Variants in RNGTT observed in about 807,000 individuals in gnomAD.
RNGTT encodes the protein mRNA-capping enzyme.
RNGTT carries 33 observed loss-of-function variants against 79.3 expected under a neutral mutation model. The ratio of observed to expected loss-of-function variants is 0.42; its 90% CI spans 0.32 to 0.56. The LOEUF is 0.56. Among genes scored for constraint, RNGTT ranks in the 20% least tolerant of loss-of-function variants. The pLI is 0.17. For missense variants in RNGTT, 497 were observed against 739.1 expected (o/e 0.67, Z 3.80); for synonymous variants, 222 against 235.9 (o/e 0.94, Z 0.54).
chr6:88,916,778 A>G (rs1320650135), intron 4 of RNGTT, among the ~76,000 whole-genome samples: 3 of 152,204 alleles, frequency 2.0e-5, no homozygotes, highest in African/African-American at 7.2e-5. Flanking sequence ...TACTATGTGG[A>G]GGCCAAAGCA....
chr6:88,749,971 T>C (rs1777788654), intron 13 of RNGTT, among the ~76,000 whole-genome samples: 1 of 152,156 alleles, frequency 6.6e-6, no homozygotes, highest in Non-Finnish European at 1.5e-5. Context: ...CTTCAGTCTC[T>C]GCCTCCATAG....
chr6:88,887,111 G>C (rs1437622696), intron 8 of RNGTT, among the ~76,000 whole-genome samples: 4 of 149,752 alleles, frequency 2.7e-5, no homozygotes, highest in South Asian at 4.2e-4. Context: ...TCAGGCCTTG[G>C]TCAGGCTAAT....
At chr6:88,898,510 T>C (rs1420716916) in intron 6 of RNGTT, among the ~76,000 whole-genome samples, 2 of 152,058 alleles carry the variant, frequency 1.3e-5, no homozygotes, top group Non-Finnish European at 2.9e-5. Flanking sequence ...GCTATTATTT[T>C]ATGGATTGAT....
Position 88,891,783 on chromosome 6 carries a change from A to T in RNGTT, c.794+23T>A, listed in dbSNP as rs747127349. On this transcript the variant is annotated intron_variant, in intron 7 of 15. Coordinates refer to ENST00000369485, the MANE Select transcript of RNGTT (RefSeq NM_003800.5). ...TGTAAAATAAGAGCAAATTTTATTT[A>T]AAAATTTAAAAATATTTATTACCCT... 1.9e-5 allele frequency: 27 copies of T among 1,438,704 alleles called. No homozygotes were observed. In the East Asian group the frequency reaches 6.6e-4, roughly 35 times the overall value. The allele number at this position is 1,438,704 out of a possible 1,614,324, so 89.1% of individuals were successfully genotyped here.
At chr6:88,755,479 A>C (rs889693314) in intron 13 of RNGTT, among the ~76,000 whole-genome samples, 2 of 152,162 alleles carry the variant, frequency 1.3e-5, no homozygotes, top group Non-Finnish European at 2.9e-5. Flanking sequence ...GACAAAAAAA[A>C]ACTACTAAGT....
chr6:88,926,452 G>T (rs1351414793), intron 4 of RNGTT, among the ~76,000 whole-genome samples: 1 of 152,118 alleles, frequency 6.6e-6, no homozygotes, highest in African/African-American at 2.4e-5. Context: ...AAGTAATTCT[G>T]CCTAACTTTC....
At chr6:88,696,012 CAG>C (rs1193971602) in intron 13 of RNGTT, among the ~76,000 whole-genome samples, 4 of 152,078 alleles carry the variant, frequency 2.6e-5, no homozygotes, top group Non-Finnish European at 4.4e-5. Context: ...ATGGGGGAAA[CAG>C]GGAGATGTTG....
At chr6:88,842,633 A>C (rs1781332585) in intron 11 of RNGTT, among the ~76,000 whole-genome samples, 1 of 152,200 alleles carries the variant, frequency 6.6e-6, no homozygotes, top group Non-Finnish European at 1.5e-5. Flanking sequence ...GAAGAGTAAA[A>C]ATAGAGCATC....
At chr6:88,651,200 G>A (rs1414129494) in intron 14 of RNGTT, among the ~76,000 whole-genome samples, 4 of 152,038 alleles carry the variant, frequency 2.6e-5, no homozygotes, top group African/African-American at 9.7e-5. Context: ...ACTTAGTCCA[G>A]TCAGTGGACT....
At chr6:88,741,792 A>AAAT (rs1196559136) in intron 13 of RNGTT, among the ~76,000 whole-genome samples, 1 of 152,170 alleles carries the variant, frequency 6.6e-6, no homozygotes, top group African/African-American at 2.4e-5. Context: ...GGTAGGGGGC[A>AAAT]GACTTTTCCT....
chr6:88,851,359 A>C (rs1181101418), intron 9 of RNGTT, among the ~76,000 whole-genome samples: 1 of 152,006 alleles, frequency 6.6e-6, no homozygotes, highest in Non-Finnish European at 1.5e-5. Context: ...TTTCCTTTTA[A>C]CATCAAAATA....
intron 13 of RNGTT, among the ~76,000 whole-genome samples, chr6:88,704,259 C>CAAAA (rs35623392): frequency 3.1e-4 from 15 of 48,720 alleles, no homozygotes; most frequent in South Asian, 1.4e-3. Context: ...GACTCTGTCT[C>CAAAA]AAAAAAAAAA....
At chr6:88,772,481 T>C (rs1392386832) in intron 12 of RNGTT, among the ~76,000 whole-genome samples, 2 of 152,040 alleles carry the variant, frequency 1.3e-5, no homozygotes, top group African/African-American at 4.8e-5. Context: ...TGGGATCTAA[T>C]TAAACTAAAG....
In RNGTT at chr6:88,690,123, A is replaced by G. The variant is rs9359805; in HGVS notation, c.1440-11704T>C. Among the ~76,000 whole-genome samples, 307 of 152,336 alleles carry G rather than the reference A, an allele frequency of 2.0e-3. 8 individuals are homozygous for G. In the East Asian group the frequency reaches 0.05, roughly 25 times the overall value. Reference sequence around the variant, plus strand: ...TATCAAGGTCATGAAAAACAAGAAGAAAGTATTATCACAGATTGGATGAAA... The same window carrying G: ...TATCAAGGTCATGAAAAACAAGAAGGAAGTATTATCACAGATTGGATGAAA... On this transcript the variant is annotated intron_variant, in intron 13 of 15. Coordinates refer to ENST00000369485, the MANE Select transcript of RNGTT (RefSeq NM_003800.5).
chr6:88,654,867 GAAACA>G (rs1773920011), intron 14 of RNGTT, among the ~76,000 whole-genome samples: 1 of 152,090 alleles, frequency 6.6e-6, no homozygotes, highest in South Asian at 2.1e-4. Context: ...AAAAGAAAAA[GAAACA>G]AAACAAAATG....
intron 12 of RNGTT, among the ~76,000 whole-genome samples, chr6:88,779,655 T>G (rs554388094): frequency 9.9e-4 from 150 of 152,258 alleles, no homozygotes; most frequent in African/African-American, 3.4e-3. Flanking sequence ...TTGATATTAT[T>G]AGGAATTTCA....
At chr6:88,685,465 T>A (rs567479551) in intron 13 of RNGTT, among the ~76,000 whole-genome samples, 6 of 151,370 alleles carry the variant, frequency 4.0e-5, no homozygotes, top group East Asian at 3.9e-4. Context: ...TTAATTTTTT[T>A]AAAAAATGCA....
chr6:88,866,837 C>T (rs1474102001), intron 8 of RNGTT, among the ~76,000 whole-genome samples: 3 of 152,134 alleles, frequency 2.0e-5, no homozygotes, highest in Non-Finnish European at 4.4e-5. Flanking sequence ...TAAGTATTTC[C>T]TTATGCTGAA....
chr6:88,820,329 TGA>T (rs963570947), intron 11 of RNGTT, among the ~76,000 whole-genome samples: 5 of 152,150 alleles, frequency 3.3e-5, no homozygotes, highest in Non-Finnish European at 7.4e-5. Context: ...TTGGCTAATA[TGA>T]GAGGAAGAAT....
Sources: allele counts gnomAD v4.1 joint callset (sites outside exome capture counted in the v4.1 genomes callset), GRCh38; gene constraint gnomAD v4.1.1; transcripts MANE v1.5; gene names NCBI Gene and HGNC (gene_info 2026-07-23, HGNC 2026-07-21).